The following ZC3H12B variants were observed in gnomAD, a reference collection of about 807,000 sequenced individuals.
ZC3H12B encodes the protein probable ribonuclease ZC3H12B.
Under a neutral mutation model 43.9 loss-of-function variants are expected in ZC3H12B, and 7 were observed. The observed-to-expected ratio is 0.16, with a 90% CI of 0.09 to 0.30. The LOEUF (loss-of-function observed/expected upper bound fraction) is 0.30. ZC3H12B is among the 10% of genes least tolerant of loss of function. The pLI is 1.00. For missense variants in ZC3H12B, 475 were observed against 670.2 expected (o/e 0.71, Z 3.22); for synonymous variants, 222 against 241.7 (o/e 0.92, Z 0.76).
the ZC3H12B span, among the ~76,000 whole-genome samples, chrX:65,309,166 CAA>C: frequency 1.0e-5 from 1 of 95,388 alleles, no homozygotes; most frequent in Admixed American, 1.1e-4. Context: ...GCTAGAAACA[CAA>C]AAAAAAAAAC....
the ZC3H12B span, among the ~76,000 whole-genome samples, chrX:65,048,085 G>A: frequency 1.1e-4 from 12 of 110,622 alleles, no homozygotes; most frequent in South Asian, 7.6e-4. Flanking sequence ...ACATTTCCCC[G>A]TTTCCCTGGG....
the ZC3H12B span, among the ~76,000 whole-genome samples, chrX:65,110,156 T>G: frequency 9.0e-6 from 1 of 111,184 alleles, no homozygotes; most frequent in Non-Finnish European, 1.9e-5. Context: ...TTTGATTTAT[T>G]TTTACTCTTG....
the ZC3H12B span, among the ~76,000 whole-genome samples, chrX:65,055,623 C>T: frequency 8.9e-6 from 1 of 111,863 alleles, no homozygotes; most frequent in Non-Finnish European, 1.9e-5. Flanking sequence ...GGGAAGATTT[C>T]CTCTTTTTCT....
chrX:65,129,101 CTTTG>C, the ZC3H12B span, among the ~76,000 whole-genome samples: 1 of 109,696 alleles, frequency 9.1e-6, no homozygotes, highest in Non-Finnish European at 1.9e-5. Flanking sequence ...TCAGAATATT[CTTTG>C]TTTCTTTTTT....
chrX:65,342,142 A>G, the ZC3H12B span, among the ~76,000 whole-genome samples: 1 of 111,966 alleles, frequency 8.9e-6, no homozygotes, highest in Non-Finnish European at 1.9e-5. Flanking sequence ...CAGACTTTAA[A>G]CCAACAAAGA....
At chrX:65,038,636 C>T in the ZC3H12B span, among the ~76,000 whole-genome samples, 3 of 110,729 alleles carry the variant, frequency 2.7e-5, no homozygotes, top group Non-Finnish European at 5.7e-5. Context: ...ATTGTAAGTA[C>T]TGTGGCGATT....
At chrX:65,362,510 C>T (rs2066116997), upstream of ZC3H12B, among the ~76,000 whole-genome samples, 1 of 110,842 alleles carries the variant, frequency 9.0e-6, no homozygotes, top group East Asian at 2.8e-4. Flanking sequence ...TATTCCTAGG[C>T]TACAGCCACA....
At chrX:65,389,623 G>A (rs781441771) in intron 2 of ZC3H12B, among the ~76,000 whole-genome samples, 112 of 112,574 alleles carry the variant, frequency 9.9e-4, no homozygotes, top group African/African-American at 3.6e-3. Context: ...CATGCTTGGT[G>A]CACTGCACCC....
the ZC3H12B span, among the ~76,000 whole-genome samples, chrX:65,211,858 A>T: frequency 1.3e-5 from 1 of 79,007 alleles, no homozygotes; most frequent in Admixed American, 2.0e-4. Flanking sequence ...TATGTTATGT[A>T]TACTATATAA....
chrX:65,243,590 A>G, the ZC3H12B span, among the ~76,000 whole-genome samples: 1 of 111,974 alleles, frequency 8.9e-6, no homozygotes, highest in Admixed American at 9.5e-5. Flanking sequence ...AAATAGAATT[A>G]TCATATCATT....
the ZC3H12B span, among the ~76,000 whole-genome samples, chrX:65,245,812 C>G: frequency 9.0e-6 from 1 of 110,990 alleles, no homozygotes; most frequent in East Asian, 2.8e-4. Flanking sequence ...TCTCACCACT[C>G]CTATTCAACA....
chrX:65,054,091 G>A, the ZC3H12B span, among the ~76,000 whole-genome samples: 1 of 112,102 alleles, frequency 8.9e-6, no homozygotes, highest in Admixed American at 9.4e-5. Context: ...TTCTTTTGCT[G>A]TGCAGAAGCT....
the ZC3H12B span, among the ~76,000 whole-genome samples, chrX:65,215,475 A>G: frequency 9.1e-6 from 1 of 110,296 alleles, no homozygotes; most frequent in Non-Finnish European, 1.9e-5. Context: ...TCATGAATCA[A>G]CTTCTGCTTG....
intron 3 of ZC3H12B, among the ~76,000 whole-genome samples, chrX:65,449,549 G>A (rs921326294): frequency 3.6e-5 from 4 of 110,475 alleles, no homozygotes; most frequent in Non-Finnish European, 7.6e-5. Context: ...AACCCAGGAG[G>A]TGGAGGTTGC....
At chrX:65,456,473 C>T (rs2067614232) in intron 3 of ZC3H12B, among the ~76,000 whole-genome samples, 1 of 94,469 alleles carries the variant, frequency 1.1e-5, no homozygotes, top group Non-Finnish European at 2.1e-5. Context: ...CTTCCATGGT[C>T]TCCCTCTGAT....
At chrX:65,308,691 C>T in the ZC3H12B span, among the ~76,000 whole-genome samples, 43 of 111,786 alleles carry the variant, frequency 3.8e-4, no homozygotes, top group Admixed American at 9.5e-5. Flanking sequence ...ATACATTCTT[C>T]GCAGCACCAC....
chrX:65,250,322 A>C, the ZC3H12B span, among the ~76,000 whole-genome samples: 9 of 112,229 alleles, frequency 8.0e-5, no homozygotes, highest in South Asian at 3.4e-3. Flanking sequence ...ACATTTGCTT[A>C]ATCCAGTCAA....
At chrX:65,295,462 A>G in the ZC3H12B span, among the ~76,000 whole-genome samples, 1 of 111,716 alleles carries the variant, frequency 9.0e-6, no homozygotes, top group African/African-American at 3.2e-5. Flanking sequence ...GTCTGAAAGA[A>G]CACAAATAGA....
At chrX:65,308,215 AAAC>A in the ZC3H12B span, among the ~76,000 whole-genome samples, 244 of 110,487 alleles carry the variant, frequency 2.2e-3, no homozygotes, top group Non-Finnish European at 3.5e-3. Context: ...TAAAATTAGA[AAAC>A]AACTCTAAAA....
Sources: gnomAD v4.1 joint callset for allele counts (sites outside exome capture counted in the v4.1 genomes callset) on GRCh38, gnomAD v4.1.1 for gene constraint, MANE v1.5 for transcripts, NCBI Gene and HGNC (gene_info 2026-07-23, HGNC 2026-07-21) for gene names.